Variants in NKAIN1 observed in about 807,000 individuals in gnomAD.
The protein encoded by NKAIN1 is sodium/potassium transporting ATPase interacting 1.
NKAIN1 carries 13 observed loss-of-function variants against 31.6 expected under a neutral mutation model. The observed-to-expected ratio is 0.41, with a 90% CI of 0.27 to 0.65. NKAIN1 has a LOEUF of 0.65. Ranked by LOEUF, NKAIN1 falls within the 30% of genes least tolerant of loss-of-function variation. The pLI, the probability that NKAIN1 is intolerant of heterozygous loss-of-function variation, is 0.30. For synonymous variants in NKAIN1, 104 were observed against 109.0 expected, an observed-to-expected ratio of 0.95 and a Z score of 0.28; for missense variants, 193 against 262.2, an observed-to-expected ratio of 0.74 and a Z score of 1.82.
At chr1:31,195,733 G>A (rs536705037) in intron 1 of NKAIN1, among the ~76,000 whole-genome samples, 21 of 150,664 alleles carry the variant, frequency 1.4e-4, no homozygotes, top group African/African-American at 4.6e-4. Context: ...ACCAGCCTGG[G>A]CAACATGGCA....
chr1:31,216,311 T>C (rs1207031108), intron 1 of NKAIN1, among the ~76,000 whole-genome samples: 1 of 152,126 alleles, frequency 6.6e-6, no homozygotes, highest in Non-Finnish European at 1.5e-5. Context: ...AATGTGCCTA[T>C]GCCGAGCGCT....
intron 1 of NKAIN1, among the ~76,000 whole-genome samples, chr1:31,190,368 A>C (rs1645275911): frequency 6.6e-6 from 1 of 152,142 alleles, no homozygotes; most frequent in African/African-American, 2.4e-5. Flanking sequence ...TGTAAAGCTC[A>C]TCTCTCACTG....
intron 1 of NKAIN1, among the ~76,000 whole-genome samples, chr1:31,221,894 T>TTTTA (rs1645567733): frequency 6.6e-6 from 1 of 151,844 alleles, no homozygotes; most frequent in African/African-American, 2.4e-5. Context: ...ATTTTATTTT[T>TTTTA]TTGAGACAGA....
At chr1:31,205,916 C>T (rs1014139455) in intron 1 of NKAIN1, among the ~76,000 whole-genome samples, 4 of 151,590 alleles carry the variant, frequency 2.6e-5, no homozygotes, top group African/African-American at 9.7e-5. Flanking sequence ...AGCCACCGCG[C>T]CCGGCCCAGA....
chr1:31,185,079 GA>G, intron 3 of NKAIN1, 167 bp downstream of exon 3: 2 of 623,302 alleles, frequency 3.2e-6, no homozygotes, highest in Non-Finnish European at 5.8e-6. Context: ...GAGGAAGCCA[GA>G]AATAAATTGT....
intron 5 of NKAIN1, 95 bp downstream of exon 5, chr1:31,182,435 G>C (rs1020088595): frequency 7.0e-7 from 1 of 1,425,972 alleles, no homozygotes; most frequent in Non-Finnish European, 9.8e-7. Context: ...GGCCGACCCT[G>C]GGCTCCCTCC....
In NKAIN1 at chr1:31,206,032, G is replaced by A. The variant is rs111678979; in HGVS notation, c.55-17845C>T. Reference sequence around the variant, plus strand: ...GTGGATCACCTGAGGTCAGGAGTTCGAGACCAGCCTGACCAATATGATGAA... The same window carrying A: ...GTGGATCACCTGAGGTCAGGAGTTCAAGACCAGCCTGACCAATATGATGAA... On this transcript the variant is annotated intron_variant, in intron 1 of 6. Transcript: ENST00000373736. 1.4e-3 allele frequency among the ~76,000 whole-genome samples: 203 copies of A among 148,420 alleles called. 3 individuals are homozygous for A. Among genetic ancestry groups the A allele is most frequent in the African/African-American group, 4.8e-3 (197 of 40,828 alleles).
At chr1:31,221,367 G>C (rs930375791) in intron 1 of NKAIN1, among the ~76,000 whole-genome samples, 1 of 152,198 alleles carries the variant, frequency 6.6e-6, no homozygotes, top group African/African-American at 2.4e-5. Context: ...GAACTTGTTA[G>C]AGATGCACAT....
intron 2 of NKAIN1, among the ~76,000 whole-genome samples, chr1:31,186,310 T>G (rs1337593473): frequency 6.9e-6 from 1 of 144,734 alleles, no homozygotes; most frequent in Non-Finnish European, 1.5e-5. Context: ...TGTGGTAAGC[T>G]GAGATCATGC....
At chr1:31,235,435 C>G (rs550529949) in intron 1 of NKAIN1, among the ~76,000 whole-genome samples, 1 of 152,218 alleles carries the variant, frequency 6.6e-6, no homozygotes, top group East Asian at 1.9e-4. Context: ...CATGCCAAAG[C>G]CAGGTGTGGT....
intron 1 of NKAIN1, among the ~76,000 whole-genome samples, chr1:31,238,245 T>C (rs1383294787): frequency 1.3e-5 from 2 of 152,120 alleles, no homozygotes; most frequent in Admixed American, 1.3e-4. Context: ...GCAAGACGAA[T>C]GAGGAGGTCT....
In NKAIN1 at chr1:31,234,737, A is replaced by C. The variant is rs984606303; in HGVS notation, c.54+4757T>G. Among the ~76,000 whole-genome samples the C allele has an allele frequency of 1.8e-4, 28 of 152,106 alleles. 1 individual carries two copies. The highest frequency in any genetic ancestry group is 6.3e-4 in the African/African-American group (26 of 41,422). On this transcript the variant is annotated intron_variant, in intron 1 of 6. Transcript: ENST00000373736. ...CAGGCACTACACATGAGGCTATCGA[A>C]ATATGATCATCTTCATTTTCAGATG...
chr1:31,182,427 C>A, intron 5 of NKAIN1, 103 bp downstream of exon 5: 1 of 1,337,736 alleles, frequency 7.5e-7, no homozygotes, highest in South Asian at 1.3e-5. Flanking sequence ...GGGCCCGTGG[C>A]CGACCCTGGG....
In NKAIN1 at chr1:31,181,697, C is replaced by T; in HGVS notation, c.*6G>A. On this transcript the variant is annotated 3_prime_UTR_variant, in exon 7 of 7. Coordinates refer to ENST00000373736, the MANE Select transcript of NKAIN1 (RefSeq NM_024522.3). Reference sequence around the variant, plus strand: ...GCGAGGCGCCGGGGTGGGCGCGGGGCAGAGGCTACCCCGACCTGCGGGAAA... The same window carrying T: ...GCGAGGCGCCGGGGTGGGCGCGGGGTAGAGGCTACCCCGACCTGCGGGAAA... 1 of 1,471,768 alleles carries T rather than the reference C, an allele frequency of 6.8e-7. No individual in the cohort carries two copies. Among genetic ancestry groups the T allele is most frequent in the Non-Finnish European group, 9.0e-7 (1 of 1,105,390 alleles). The allele number at this position is 1,471,768 out of a possible 1,614,324, so 91.2% of individuals were successfully genotyped here.
intron 1 of NKAIN1, among the ~76,000 whole-genome samples, chr1:31,229,188 A>C (rs1428738801): frequency 2.0e-5 from 3 of 152,126 alleles, no homozygotes; most frequent in Admixed American, 1.3e-4. Context: ...GTGCTTGATA[A>C]ATATTTGCTG....
At chr1:31,230,605 C>T (rs1208584511) in intron 1 of NKAIN1, among the ~76,000 whole-genome samples, 1 of 152,216 alleles carries the variant, frequency 6.6e-6, no homozygotes, top group Non-Finnish European at 1.5e-5. Flanking sequence ...ATCGACATCC[C>T]TCTCCAGGCC....
chr1:31,199,064 A>T (rs12119504), intron 1 of NKAIN1, among the ~76,000 whole-genome samples: 1 of 151,996 alleles, frequency 6.6e-6, no homozygotes, highest in Non-Finnish European at 1.5e-5. Flanking sequence ...CAGCCATGTC[A>T]CCATAGGCCT....
chr1:31,203,840 C>A (rs12083922), intron 1 of NKAIN1, among the ~76,000 whole-genome samples: 6,110 of 152,200 alleles, frequency 0.04, 342 homozygotes, highest in African/African-American at 0.12. Flanking sequence ...CCGCCTCGGC[C>A]TTCCAAAATG....
chr1:31,186,322 A>G (rs1225939996), intron 2 of NKAIN1, among the ~76,000 whole-genome samples: 1 of 145,964 alleles, frequency 6.9e-6, no homozygotes, highest in Admixed American at 7.0e-5. Flanking sequence ...AGATCATGCC[A>G]CTGGACTCCA....
Sources: allele counts gnomAD v4.1 joint callset (sites outside exome capture counted in the v4.1 genomes callset), GRCh38; gene constraint gnomAD v4.1.1; transcripts MANE v1.5; gene names NCBI Gene and HGNC (gene_info 2026-07-23, HGNC 2026-07-21).